ELN: variants seen among roughly 807,000 people sequenced by gnomAD.
ELN encodes the protein tropoelastin.
A neutral mutation model predicts 105.8 loss-of-function variants in ELN; 65 were observed. The observed-to-expected ratio is 0.61, with a 90% CI of 0.50 to 0.75. The LOEUF (loss-of-function observed/expected upper bound fraction) is 0.75. Ranked by LOEUF, ELN falls within the 30% of genes least tolerant of loss-of-function variation. ELN has a pLI of 0.00. For synonymous variants in ELN, 368 were observed against 389.2 expected, an observed-to-expected ratio of 0.95 and a Z score of 0.64; for missense variants, 882 against 969.4, an observed-to-expected ratio of 0.91 and a Z score of 1.20.
At chr7:74,038,130 T>G (rs1335160235) in intron 4 of ELN, 1 of 334,394 alleles carries the variant, frequency 3.0e-6, no homozygotes, top group Non-Finnish European at 5.9e-6. Flanking sequence ...CAGACACAGA[T>G]CCTCAGCCCC....
chr7:74,059,652 C>A (rs1554682589), intron 22 of ELN: 4 of 608,466 alleles, frequency 6.6e-6, no homozygotes. Context: ...CCATTGCACT[C>A]CAGCCTGGGC....
At chr7:74,060,286 C>T in intron 24 of ELN, 90 bp from the exon 25 acceptor site, 1 of 1,613,988 alleles carries the variant, frequency 6.2e-7, no homozygotes, top group Non-Finnish European at 8.5e-7. Context: ...GGGCCCCTTC[C>T]TCTGGGACTA....
intron 15 of ELN, among the ~76,000 whole-genome samples, chr7:74,049,068 T>TATAC (rs1554674386): frequency 7.5e-6 from 1 of 132,984 alleles, no homozygotes. Context: ...TCCATCCATC[T>TATAC]ATCCATCCAT....
At chr7:74,056,744 T>C (rs1554680224) in intron 21 of ELN, 31 bp downstream of exon 21, 1 of 1,613,422 alleles carries the variant, frequency 6.2e-7, no homozygotes, top group South Asian at 1.1e-5. Context: ...TGTCCCCAAG[T>C]CCTGCTCTCC....
At chr7:74,030,846 G>T (rs1165501350) in intron 1 of ELN, among the ~76,000 whole-genome samples, 2 of 152,184 alleles carry the variant, frequency 1.3e-5, no homozygotes, top group Non-Finnish European at 2.9e-5. Flanking sequence ...CCAGGTGACG[G>T]TGGGGTCGCC....
chr7:74,040,335 C>T (rs1322366400), intron 4 of ELN, among the ~76,000 whole-genome samples: 2 of 152,214 alleles, frequency 1.3e-5, no homozygotes, highest in East Asian at 1.9e-4. Context: ...CCTGCCTGAT[C>T]GCCAGGCACT....
At chr7:74,033,824 C>T (rs1359383887) in intron 1 of ELN, among the ~76,000 whole-genome samples, 2 of 152,244 alleles carry the variant, frequency 1.3e-5, no homozygotes, top group Non-Finnish European at 2.9e-5. Context: ...GCTCCCGGCC[C>T]CTTTCAGCAA....
At chr7:74,068,552 C>T in intron 32 of ELN, 105 bp from the exon 33 acceptor site, 1 of 1,449,836 alleles carries the variant, frequency 6.9e-7, no homozygotes, top group Non-Finnish European at 9.6e-7. Context: ...CTTGGCTTCT[C>T]TTGGCTTCTT....
Position 74,028,312 on chromosome 7 carries a change from C to A in ELN, c.82+43C>A, listed in dbSNP as rs781792091. 4 of 1,583,768 alleles carry A rather than the reference C, an allele frequency of 2.5e-6. No homozygotes were observed. In the Admixed American group the frequency reaches 6.9e-5, roughly 27 times the overall value. On this transcript the variant is annotated intron_variant, in intron 1 of 32. Transcript: ENST00000252034. ...CTGTCCCCAGCGCTGCCCACAGCTG[C>A]GGGCCCTTTGGGCCAGGTGACTAGA... is the stretch of plus-strand genomic sequence containing the variant.
Position 74,057,416 on chromosome 7 carries a change from G to A in ELN, c.1358-224G>A, listed in dbSNP as rs782176102. 1.3e-6 allele frequency: 2 copies of A among 1,515,230 alleles called. No individual in the cohort carries two copies. The highest frequency in any genetic ancestry group is 4.3e-5 in the Admixed American group (2 of 46,350). 93.9% of individuals were successfully genotyped at this position (1,515,230 alleles called of 1,614,324 possible). ...GAGCAGGAGTGCTGGGTGGGCTAGTGCCAGGTGCCCCAGGCGCAGTCCCAG... is the reference window on the plus strand; with the variant it reads ...GAGCAGGAGTGCTGGGTGGGCTAGTACCAGGTGCCCCAGGCGCAGTCCCAG... On this transcript the variant is annotated intron_variant, in intron 21 of 32. Coordinates refer to ENST00000252034, the MANE Select transcript of ELN (RefSeq NM_000501.4).
At position 74,035,395 on chromosome 7, in the gene ELN, T is replaced by C. The variant is rs782104032; in HGVS notation, c.114T>C (p.Pro38=). The C allele has an allele frequency of 1.4e-5, 23 of 1,614,154 alleles. No homozygotes were observed. The highest frequency in any genetic ancestry group is 1.9e-5 in the Non-Finnish European group (23 of 1,180,024). The change falls in exon 2 of 33, where the codon CCT becomes CCC. Residue 38 remains proline (P), a synonymous_variant. Transcript: ENST00000252034. ...GVPGAIPGGV[P]GGVFYPGAGL... Reference sequence around the variant, plus strand: ...CTGGGGCCATTCCTGGTGGAGTTCCTGGAGGAGTCTTTTATCCAGGTAACG... The same window carrying C: ...CTGGGGCCATTCCTGGTGGAGTTCCCGGAGGAGTCTTTTATCCAGGTAACG...
chr7:74,063,791 C>T lies in ELN; in HGVS notation c.1993+96C>T. 2.6e-6 allele frequency: 4 copies of T among 1,543,694 alleles called. No individual in the cohort carries two copies. The highest frequency in any genetic ancestry group is 3.6e-6 in the Non-Finnish European group (4 of 1,120,948). ...GAGACAGAGACTTTCGTTCCCACCC[C>T]TGGCACGTCTTTGCTCAAGATGTCC... On this transcript the variant is annotated intron_variant, in intron 29 of 32. Transcript: ENST00000252034. This position sits in a 1 kb window ranked among gnomAD's most constrained non-coding sequence, Gnocchi z 4.1.
Position 74,041,270 on chromosome 7 carries a change from G to A in ELN, c.232+19G>A, listed in dbSNP as rs1554668363. 6.2e-7 allele frequency: 1 copy of A among 1,613,864 alleles called. No individual in the cohort carries two copies. The highest frequency in any genetic ancestry group is 1.1e-5 in the South Asian group (1 of 91,076). On this transcript the variant is annotated intron_variant, in intron 5 of 32. Coordinates refer to ENST00000252034, the MANE Select transcript of ELN (RefSeq NM_000501.4). The stretch of plus-strand genomic sequence containing the variant: ...GGGGCAGGTGAGTGCTGACACCCAA[G>A]AAAGATATCCCCTGTGGGGACCAGC...
At chr7:74,045,436 T>C in intron 10 of ELN, 143 bp downstream of exon 10, 1 of 931,618 alleles carries the variant, frequency 1.1e-6, no homozygotes, top group East Asian at 2.6e-5. Flanking sequence ...GGCAGCCTGG[T>C]GCTGAAAAAC....
chr7:74,042,870 A>T, intron 6 of ELN, 114 bp from the exon 7 acceptor site: 1 of 1,583,676 alleles, frequency 6.3e-7, no homozygotes, highest in Non-Finnish European at 8.7e-7. Flanking sequence ...CCCAGTCTGA[A>T]GGTGAGTTAG....
chr7:74,064,808 A>C (rs1797593664), intron 29 of ELN, among the ~76,000 whole-genome samples: 1 of 152,134 alleles, frequency 6.6e-6, no homozygotes, highest in South Asian at 2.1e-4. Flanking sequence ...GCTTTCCCTA[A>C]GTCTCCACCA....
chr7:74,047,677 G>A lies in ELN; in HGVS notation c.646G>A (p.Gly216Ser). 6.2e-7 allele frequency: 1 copy of A among 1,614,198 alleles called. No individual in the cohort carries two copies. The highest frequency in any genetic ancestry group is 8.5e-7 in the Non-Finnish European group (1 of 1,180,014). Residue 216 changes from glycine to serine, a missense_variant and splice_region_variant, in exon 13 of 33, where the codon GGC (glycine) becomes AGC (serine). Transcript: ENST00000252034. ...YPIKAPKLPG[G>S]YGLPYTTGKL... is the part of the protein sequence containing the mutation. ...AGTTTGCTCTGTCCTCTCTCCAGGTGGCTATGGACTGCCCTACACCACAGG... is the reference window on the plus strand; with the variant it reads ...AGTTTGCTCTGTCCTCTCTCCAGGTAGCTATGGACTGCCCTACACCACAGG...
In ELN at chr7:74,063,652, C is replaced by A. The variant is rs373342218; in HGVS notation, c.1950C>A (p.Leu650=). The A allele has an allele frequency of 1.7e-5, 27 of 1,613,988 alleles. No individual in the cohort carries two copies. The highest frequency in any genetic ancestry group is 2.1e-5 in the Non-Finnish European group (25 of 1,180,006). Residue 650 remains leucine, a synonymous_variant, in exon 29 of 33, where the codon CTC becomes CTA. Coordinates refer to ENST00000252034, the MANE Select transcript of ELN (RefSeq NM_000501.4). This position sits in a 1 kb window ranked among gnomAD's most constrained non-coding sequence, Gnocchi z 4.1. ...TGGGAGCCGCTGGGCTCGGAGGACT[C>A]GGAGTCGGAGGGCTTGGAGTTCCAG... ...GLVGAAGLGG[L]GVGGLGVPGV...
chr7:74,064,104 TAA>T (rs1192710845), intron 29 of ELN, among the ~76,000 whole-genome samples: 6 of 129,520 alleles, frequency 4.6e-5, no homozygotes, highest in South Asian at 2.5e-4. Context: ...CCCTGTCATC[TAA>T]AAAAAAAAAA....
Sources: allele counts gnomAD v4.1 joint callset (sites outside exome capture counted in the v4.1 genomes callset), GRCh38; gene constraint gnomAD v4.1.1; non-coding constraint Gnocchi (gnomAD v3.1); transcripts MANE v1.5; gene names NCBI Gene and HGNC (gene_info 2026-07-23, HGNC 2026-07-21).